Variants in CPLX2 observed in about 807,000 individuals in gnomAD.
CPLX2 encodes complexin-2.
A neutral mutation model predicts 16.3 loss-of-function variants in CPLX2; 5 were observed. That is an observed-to-expected ratio of 0.31 (90% CI 0.16 to 0.64). The LOEUF is 0.64. Ranked by LOEUF, CPLX2 falls within the 30% of genes least tolerant of loss-of-function variation. The pLI is 0.79. For missense variants in CPLX2, 144 were observed against 181.4 expected (o/e 0.79, Z 1.18); for synonymous variants, 89 against 73.2 (o/e 1.22, Z -1.10).
intron 1 of CPLX2, among the ~76,000 whole-genome samples, chr5:175,873,802 G>GTGT (rs554698018): frequency 2.0e-5 from 3 of 152,158 alleles, no homozygotes; most frequent in Non-Finnish European, 4.4e-5. Context: ...TTGGGAATAG[G>GTGT]TGTTGTTGTC....
intron 2 of CPLX2, among the ~76,000 whole-genome samples, chr5:175,828,672 C>T (rs1322767336): frequency 1.3e-5 from 2 of 152,122 alleles, no homozygotes; most frequent in Non-Finnish European, 2.9e-5. Context: ...TTGGGTGAGG[C>T]GCTGTCCCTC....
At chr5:175,839,369 T>C (rs145507940) in intron 2 of CPLX2, among the ~76,000 whole-genome samples, 2,778 of 152,290 alleles carry the variant, frequency 0.018, 37 homozygotes, top group South Asian at 0.038. Context: ...CACTGCAACC[T>C]CCGTCTCCCA....
chr5:175,879,657 G>C, intron 3 of CPLX2, 191 bp from the exon 4 acceptor site: 1 of 704,032 alleles, frequency 1.4e-6, no homozygotes, highest in Non-Finnish European at 2.6e-6. Flanking sequence ...GAAACCCCAC[G>C]TATGGTCTCT....
At chr5:175,817,525 C>T (rs536047852) in intron 2 of CPLX2, among the ~76,000 whole-genome samples, 1 of 152,322 alleles carries the variant, frequency 6.6e-6, no homozygotes, top group East Asian at 1.9e-4. Flanking sequence ...CCTATTTGCA[C>T]ACCTCTGATG....
chr5:175,797,760 G>C (rs3860773), intron 1 of CPLX2, among the ~76,000 whole-genome samples: 31,215 of 152,152 alleles, frequency 0.21, 3,987 homozygotes, highest in African/African-American at 0.36. Flanking sequence ...GAGAAGGCAG[G>C]GGGGAGGGGG....
intron 2 of CPLX2, among the ~76,000 whole-genome samples, chr5:175,837,067 C>T (rs1305333842): frequency 1.3e-5 from 2 of 152,194 alleles, no homozygotes; most frequent in African/African-American, 4.8e-5. Flanking sequence ...AGCACGGGGC[C>T]AAGGCTTGGT....
chr5:175,811,001 G>A (rs1035177572), intron 2 of CPLX2, among the ~76,000 whole-genome samples: 3 of 152,296 alleles, frequency 2.0e-5, no homozygotes, highest in Admixed American at 6.5e-5. Context: ...GAAAGAGCAC[G>A]GGCTTTGGAA....
intron 1 of CPLX2, among the ~76,000 whole-genome samples, chr5:175,797,006 C>A (rs760058283): frequency 6.6e-6 from 1 of 152,220 alleles, no homozygotes; most frequent in Admixed American, 6.5e-5. Flanking sequence ...GGGGACAGCT[C>A]CCGCGCCGCA....
At chr5:175,834,491 CG>C (rs1164992996) in intron 2 of CPLX2, among the ~76,000 whole-genome samples, 1 of 152,076 alleles carries the variant, frequency 6.6e-6, no homozygotes, top group Non-Finnish European at 1.5e-5. Flanking sequence ...TTCAACGTAA[CG>C]CAATTCATGC....
chr5:175,859,888 G>A (rs990407838), intron 2 of CPLX2, among the ~76,000 whole-genome samples: 4 of 152,232 alleles, frequency 2.6e-5, no homozygotes, highest in Admixed American at 2.6e-4. Flanking sequence ...TTTTCTGAAG[G>A]AGGGGACACA....
intron 2 of CPLX2, among the ~76,000 whole-genome samples, chr5:175,818,052 C>T (rs1758440305): frequency 6.6e-6 from 1 of 152,144 alleles, no homozygotes; most frequent in South Asian, 2.1e-4. Context: ...AGCATAAGCG[C>T]AAGAAATGAA....
intron 2 of CPLX2, among the ~76,000 whole-genome samples, chr5:175,824,083 T>C (rs774558675): frequency 2.6e-5 from 4 of 152,120 alleles, no homozygotes; most frequent in African/African-American, 7.2e-5. Context: ...CTGTGCACAA[T>C]TGGAGGGCTC....
rs115278066 is a variant in CPLX2 at position 175,817,941 on chromosome 5, G to A, written c.-89+8873G>A. On this transcript the variant is annotated intron_variant, in intron 2 of 4. Transcript: ENST00000359546. ...GGTTCAACCTAGGGTTAAGTGTGGGGAGCCACAGAGGGGAAAACAGGAGCC... is the reference window on the plus strand; with the variant it reads ...GGTTCAACCTAGGGTTAAGTGTGGGAAGCCACAGAGGGGAAAACAGGAGCC... 5.0e-3 allele frequency among the ~76,000 whole-genome samples: 766 copies of A among 152,274 alleles called. 10 individuals carry two copies. The highest frequency in any genetic ancestry group is 0.018 in the African/African-American group (732 of 41,534).
At chr5:175,812,584 A>G (rs1161616907) in intron 2 of CPLX2, among the ~76,000 whole-genome samples, 1 of 152,194 alleles carries the variant, frequency 6.6e-6, no homozygotes, top group African/African-American at 2.4e-5. Context: ...TCCAAGGTAG[A>G]GACGCCTAGC....
At chr5:175,863,571 G>A (rs1009483675) in intron 2 of CPLX2, among the ~76,000 whole-genome samples, 16 of 152,334 alleles carry the variant, frequency 1.1e-4, no homozygotes, top group South Asian at 2.1e-4. Context: ...AGGCTCAGTC[G>A]ATGAAAATCC....
At chr5:175,870,696 T>C (rs1759571033), upstream of CPLX2, among the ~76,000 whole-genome samples, 1 of 152,200 alleles carries the variant, frequency 6.6e-6, no homozygotes, top group Non-Finnish European at 1.5e-5. Context: ...GTCCTGCCTC[T>C]TGGAAGTCCT....
At chr5:175,831,567 C>G (rs549501826) in intron 2 of CPLX2, among the ~76,000 whole-genome samples, 1 of 152,276 alleles carries the variant, frequency 6.6e-6, no homozygotes, top group Non-Finnish European at 1.5e-5. Context: ...GGGCTCTGAG[C>G]AGAACATTGA....
intron 2 of CPLX2, among the ~76,000 whole-genome samples, chr5:175,838,613 C>T (rs541119026): frequency 5.7e-4 from 87 of 152,262 alleles, no homozygotes; most frequent in African/African-American, 2.1e-3. Context: ...TGCCCCCTCA[C>T]CCAAGCCTCA....
upstream of CPLX2, chr5:175,871,417 GAGAGAGAGAGAGAGAC>G (rs1561790258): frequency 5.5e-5 from 6 of 110,042 alleles, no homozygotes; most frequent in Non-Finnish European, 9.8e-5. Context: ...AGAGGAGAGA[GAGAGAGAGAGAGAGAC>G]AGAGAGAGAG....
Sources: gnomAD v4.1 joint callset for allele counts (sites outside exome capture counted in the v4.1 genomes callset) on GRCh38, gnomAD v4.1.1 for gene constraint, MANE v1.5 for transcripts, NCBI Gene and HGNC (gene_info 2026-07-23, HGNC 2026-07-21) for gene names.